The following AMBRA1 variants were observed in gnomAD, a reference collection of about 807,000 sequenced individuals.
The protein encoded by AMBRA1 is autophagy and beclin 1 regulator 1.
A neutral mutation model predicts 125.4 loss-of-function variants in AMBRA1; 47 were observed. The observed-to-expected ratio is 0.37, with a 90% CI of 0.30 to 0.48. The LOEUF is 0.48. AMBRA1 is among the 20% of genes least tolerant of loss of function. The probability of loss-of-function intolerance (pLI) is 0.99; values close to 1 mark genes in which losing one functional copy is unlikely to be tolerated. For synonymous variants in AMBRA1, 626 were observed against 655.5 expected, an observed-to-expected ratio of 0.95 and a Z score of 0.69; for missense variants, 1,331 against 1,693.4, an observed-to-expected ratio of 0.79 and a Z score of 3.76.
At chr11:46,440,348 C>G (rs577864346) in intron 12 of AMBRA1, among the ~76,000 whole-genome samples, 1 of 152,054 alleles carries the variant, frequency 6.6e-6, no homozygotes. Flanking sequence ...CAGCATGCTA[C>G]CATTTGGGTT....
intron 17 of AMBRA1, among the ~76,000 whole-genome samples, chr11:46,399,608 G>A (rs7946705): frequency 0.18 from 27,576 of 151,868 alleles, 2,716 homozygotes; most frequent in African/African-American, 0.26. Context: ...CAGGCGATCC[G>A]CCCACCTAGG....
At chr11:46,576,152 C>G (rs1046680837) in intron 1 of AMBRA1, among the ~76,000 whole-genome samples, 5 of 152,028 alleles carry the variant, frequency 3.3e-5, no homozygotes, top group African/African-American at 1.2e-4. Context: ...GAAGACATCC[C>G]TGAGTATGGA....
At position 46,419,995 on chromosome 11, in the gene AMBRA1, TAC is replaced by T. The variant is rs34070050; in HGVS notation, c.2977-1945_2977-1944del. Among the ~76,000 whole-genome samples the T allele has an allele frequency of 2.6e-4, 34 of 129,106 alleles. 1 individual carries two copies. The South Asian group carries it at 3.6e-3, about 14-fold the overall frequency. The allele number at this position is 129,106 out of a possible 152,430, so 84.7% of individuals were successfully genotyped here. Reference sequence around the variant, plus strand: ...AAAAGACAGCAGCACGTGTCCTCAATACACACACACACACACACACACACACT... The same window carrying T: ...AAAAGACAGCAGCACGTGTCCTCAATACACACACACACACACACACACACT... On this transcript the variant is annotated intron_variant, in intron 14 of 17. Coordinates refer to ENST00000683756, the MANE Select transcript of AMBRA1 (RefSeq NM_001387011.1).
At chr11:46,505,521 C>T (rs1052796218) in intron 9 of AMBRA1, among the ~76,000 whole-genome samples, 3 of 152,168 alleles carry the variant, frequency 2.0e-5, no homozygotes, top group Non-Finnish European at 4.4e-5. Context: ...GAAAGGCAAA[C>T]ACCCCAGAAG....
intron 17 of AMBRA1, among the ~76,000 whole-genome samples, chr11:46,405,159 C>T (rs1945947924): frequency 6.6e-6 from 1 of 152,216 alleles, no homozygotes; most frequent in Non-Finnish European, 1.5e-5. Context: ...CCCCACCACC[C>T]TACTTCACCT....
chr11:46,432,047 T>A (rs529112605), intron 14 of AMBRA1, among the ~76,000 whole-genome samples: 174 of 152,314 alleles, frequency 1.1e-3, no homozygotes, highest in Non-Finnish European at 1.5e-3. Context: ...TTATTTATTT[T>A]TTTTTGAGAT....
intron 11 of AMBRA1, among the ~76,000 whole-genome samples, chr11:46,470,819 T>C (rs1040197259): frequency 6.6e-6 from 1 of 152,064 alleles, no homozygotes; most frequent in Admixed American, 6.6e-5. Context: ...AGGAAGTTTG[T>C]TTACTCATCA....
At chr11:46,567,712 C>A (rs953338746) in intron 1 of AMBRA1, among the ~76,000 whole-genome samples, 1 of 152,064 alleles carries the variant, frequency 6.6e-6, no homozygotes, top group Non-Finnish European at 1.5e-5. Context: ...GATGACCCCA[C>A]CCCAACCAGC....
intron 11 of AMBRA1, among the ~76,000 whole-genome samples, chr11:46,461,797 G>C (rs1258197152): frequency 6.6e-6 from 1 of 152,218 alleles, no homozygotes; most frequent in African/African-American, 2.4e-5. Flanking sequence ...CAAAGGCAGA[G>C]ACTCTAAAGC....
chr11:46,566,593 C>CG (rs1591141513), intron 1 of AMBRA1, among the ~76,000 whole-genome samples: 4 of 152,018 alleles, frequency 2.6e-5, no homozygotes, highest in East Asian at 1.9e-4. Flanking sequence ...AGACGGGACC[C>CG]GGGGGGTGAG....
chr11:46,412,856 T>C (rs983482745), intron 15 of AMBRA1, among the ~76,000 whole-genome samples: 1 of 152,230 alleles, frequency 6.6e-6, no homozygotes, highest in Non-Finnish European at 1.5e-5. Context: ...AACTCATCTC[T>C]GTTTTTGGTG....
At chr11:46,508,814 T>C (rs901526522) in intron 8 of AMBRA1, among the ~76,000 whole-genome samples, 1 of 152,252 alleles carries the variant, frequency 6.6e-6, no homozygotes, top group Non-Finnish European at 1.5e-5. Flanking sequence ...TGAGAAAAGA[T>C]GCCAGGAGAT....
At chr11:46,447,647 T>C (rs991348664) in intron 11 of AMBRA1, among the ~76,000 whole-genome samples, 5 of 151,844 alleles carry the variant, frequency 3.3e-5, no homozygotes, top group East Asian at 1.9e-4. Flanking sequence ...AAGGTGGAGG[T>C]TGCGGTGAGC....
Position 46,566,439 on chromosome 11 carries a change from A to C in AMBRA1, c.-120-17939T>G, listed in dbSNP as rs375775001. Among the ~76,000 whole-genome samples, 4 of 152,096 alleles carry C rather than the reference A, an allele frequency of 2.6e-5. No individual in the cohort carries two copies. In the East Asian group the frequency reaches 7.7e-4, roughly 29 times the overall value. On this transcript the variant is annotated intron_variant, in intron 1 of 17. Coordinates refer to ENST00000683756, the MANE Select transcript of AMBRA1 (RefSeq NM_001387011.1). ...TCTCAAGAAAAAAAAAAAAGAGTGG[A>C]GCTATTGATAATATAACTTGGATGA...
intron 1 of AMBRA1, among the ~76,000 whole-genome samples, chr11:46,561,353 C>T (rs1408457946): frequency 6.6e-6 from 1 of 151,172 alleles, no homozygotes; most frequent in Non-Finnish European, 1.5e-5. Flanking sequence ...TGCACTCCAG[C>T]CTAGGTAACA....
chr11:46,548,501 C>T lies in AMBRA1; in HGVS notation c.-120-1G>A. 8.0e-7 allele frequency: 1 copy of T among 1,255,732 alleles called. No homozygotes were observed. Among genetic ancestry groups the T allele is most frequent in the Non-Finnish European group, 1.1e-6 (1 of 922,724 alleles). 77.8% of individuals were successfully genotyped at this position (1,255,732 alleles called of 1,614,324 possible). A position where few individuals can be genotyped will look rare whatever the true frequency, so the allele number is the denominator to read the frequency against. ...CCTTGTAAGTTGTCCTCATGGAAATCTTAAGGAACAAAGAATAATGTCAAA... is the reference window on the plus strand; with the variant it reads ...CCTTGTAAGTTGTCCTCATGGAAATTTTAAGGAACAAAGAATAATGTCAAA... On this transcript the variant is annotated splice_acceptor_variant, in intron 1 of 17. Coordinates refer to ENST00000683756, the MANE Select transcript of AMBRA1 (RefSeq NM_001387011.1). LOFTEE classifies it low-confidence loss of function (5UTR_SPLICE).
intron 1 of AMBRA1, among the ~76,000 whole-genome samples, chr11:46,580,055 G>A (rs547141687): frequency 6.6e-6 from 1 of 152,162 alleles, no homozygotes; most frequent in East Asian, 1.9e-4. Flanking sequence ...TCTCCACTTC[G>A]TCCCTTCCCA....
intron 7 of AMBRA1, among the ~76,000 whole-genome samples, chr11:46,519,243 T>C (rs1951654999): frequency 6.6e-6 from 1 of 152,164 alleles, no homozygotes; most frequent in African/African-American, 2.4e-5. Flanking sequence ...AGGCTGGTCT[T>C]GATCTCCTGG....
chr11:46,532,862 A>G (rs1394995390), intron 7 of AMBRA1, among the ~76,000 whole-genome samples: 3 of 152,270 alleles, frequency 2.0e-5, no homozygotes, highest in Non-Finnish European at 4.4e-5. Flanking sequence ...TTTACCACTA[A>G]CAACGCTCAT....
Sources: allele counts gnomAD v4.1 joint callset (sites outside exome capture counted in the v4.1 genomes callset), GRCh38; gene constraint gnomAD v4.1.1; transcripts MANE v1.5; gene names NCBI Gene and HGNC (gene_info 2026-07-23, HGNC 2026-07-21).